ZFPM2: variants seen among roughly 807,000 people sequenced by gnomAD.
The protein encoded by ZFPM2 is zinc finger protein, FOG family member 2.
In ZFPM2, 20 loss-of-function variants were observed where a neutral mutation model predicts 98.6. The ratio of observed to expected loss-of-function variants is 0.20; its 90% CI spans 0.14 to 0.29. The LOEUF is 0.29. Ranked by LOEUF, ZFPM2 falls within the 10% of genes least tolerant of loss-of-function variation. The probability of loss-of-function intolerance (pLI) is 1.00; values close to 1 mark genes in which losing one functional copy is unlikely to be tolerated. For synonymous variants in ZFPM2, 518 were observed against 502.7 expected (o/e 1.03, Z -0.41); for missense variants, 1,310 against 1,388.6 (o/e 0.94, Z 0.90).
chr8:105,360,679 T>G, intron 1 of ZFPM2, among the ~76,000 whole-genome samples: 1 of 144,662 alleles, frequency 6.9e-6, no homozygotes, highest in Non-Finnish European at 1.5e-5. Context: ...TGTGTCCATG[T>G]GTTCCCATTG....
intron 1 of ZFPM2, among the ~76,000 whole-genome samples, chr8:105,348,150 T>C (rs539784038): frequency 6.6e-6 from 1 of 152,344 alleles, no homozygotes; most frequent in South Asian, 2.1e-4. Flanking sequence ...GGTTGCATCA[T>C]AGTCTATGTG....
rs532352196 is a variant in ZFPM2, at chr8:105,338,332, C to T, written c.40+19351C>T. Among the ~76,000 whole-genome samples, 35 of 151,742 alleles carry T rather than the reference C, an allele frequency of 2.3e-4. 1 individual carries two copies. In the South Asian group the frequency reaches 7.1e-3, roughly 31 times the overall value. ...ATTTGACTCTTTGATGCATCTCATA[C>T]ATAGGTCAGGCACCTGAAAGACAGC... is the stretch of plus-strand genomic sequence containing the variant. On this transcript the variant is annotated intron_variant, in intron 1 of 7. Coordinates refer to ENST00000407775, the MANE Select transcript of ZFPM2 (RefSeq NM_012082.4).
intron 4 of ZFPM2, among the ~76,000 whole-genome samples, chr8:105,581,069 T>C (rs908210389): frequency 1.2e-4 from 18 of 152,108 alleles, no homozygotes; most frequent in African/African-American, 4.3e-4. Flanking sequence ...TGGAAATACT[T>C]ATTTTATCAA....
chr8:105,773,243 G>A (rs1340138661), intron 5 of ZFPM2, among the ~76,000 whole-genome samples: 2 of 152,150 alleles, frequency 1.3e-5, no homozygotes, highest in Admixed American at 1.3e-4. Context: ...TGAAGAGAAG[G>A]AAAGGGCATC....
intron 3 of ZFPM2, among the ~76,000 whole-genome samples, chr8:105,556,352 T>C (rs1047938936): frequency 1.3e-5 from 2 of 152,150 alleles, no homozygotes; most frequent in African/African-American, 4.8e-5. Context: ...AATGGAAGTA[T>C]ATGGACATGC....
chr8:105,722,756 G>A (rs1278455752), intron 5 of ZFPM2, among the ~76,000 whole-genome samples: 3 of 151,770 alleles, frequency 2.0e-5, no homozygotes, highest in Admixed American at 2.0e-4. Flanking sequence ...GGTGGCAGAG[G>A]CAGAAGAGGT....
Position 105,699,459 on chromosome 8 carries a change from G to A in ZFPM2, c.532+65102G>A, listed in dbSNP as rs534756474. Among the ~76,000 whole-genome samples the A allele has an allele frequency of 4.6e-5, 7 of 152,228 alleles. No homozygotes were observed. In the South Asian group the frequency reaches 1.5e-3, roughly 32 times the overall value. On this transcript the variant is annotated intron_variant, in intron 5 of 7. Transcript: ENST00000407775. ...TACAAACTTAAAGGTATAAGATGAA[G>A]CCACACTGGTATTTTTCTAAACATA... is the stretch of plus-strand genomic sequence containing the variant.
chr8:105,449,399 G>A (rs1044635225), intron 3 of ZFPM2, among the ~76,000 whole-genome samples: 2 of 151,976 alleles, frequency 1.3e-5, no homozygotes, highest in Admixed American at 6.6e-5. Context: ...AACTTTTCAG[G>A]ATAAGTATAT....
intron 5 of ZFPM2, among the ~76,000 whole-genome samples, chr8:105,713,942 T>C (rs1214584803): frequency 2.0e-5 from 3 of 152,120 alleles, no homozygotes; most frequent in African/African-American, 4.8e-5. Context: ...CTACTTGGGC[T>C]CCTTTTTGTT....
intron 5 of ZFPM2, among the ~76,000 whole-genome samples, chr8:105,645,655 C>T (rs530684389): frequency 2.0e-5 from 3 of 152,246 alleles, no homozygotes; most frequent in African/African-American, 7.2e-5. Context: ...GCATAGCCTA[C>T]ACCCAGAAGC....
At chr8:105,340,865 A>G (rs1328469044) in intron 1 of ZFPM2, among the ~76,000 whole-genome samples, 3 of 152,004 alleles carry the variant, frequency 2.0e-5, no homozygotes, top group African/African-American at 7.2e-5. Context: ...AGAAAATAAA[A>G]TAGGGTAACG....
intron 3 of ZFPM2, among the ~76,000 whole-genome samples, chr8:105,472,071 A>G (rs1488003562): frequency 2.0e-5 from 3 of 152,296 alleles, no homozygotes; most frequent in Middle Eastern, 3.4e-3. Flanking sequence ...CTGTATAGAC[A>G]CCTGCAGAAT....
rs553959981 is a variant in ZFPM2, at chr8:105,413,666, C to T, written c.41-5478C>T. 3.3e-5 allele frequency among the ~76,000 whole-genome samples: 5 copies of T among 151,542 alleles called. 1 individual carries two copies. Among genetic ancestry groups the T allele is most frequent in the African/African-American group, 1.2e-4 (5 of 41,370 alleles). On this transcript the variant is annotated intron_variant, in intron 1 of 7. Transcript: ENST00000407775. ...GAGTTGGACCTTTTGAAAAAGAGTT[C>T]AAAAGAGCATAAAACAGGAGCTGGC...
chr8:105,736,827 A>G (rs1369652851), intron 5 of ZFPM2, among the ~76,000 whole-genome samples: 1 of 152,090 alleles, frequency 6.6e-6, no homozygotes, highest in African/African-American at 2.4e-5. Flanking sequence ...TAATGCAAGT[A>G]CTTGCAGACA....
chr8:105,737,323 A>G (rs1158941003), intron 5 of ZFPM2: 1 of 153,054 alleles, frequency 6.5e-6, no homozygotes, highest in Non-Finnish European at 1.5e-5. Flanking sequence ...GTCATCTGTG[A>G]TAGCGTGAGG....
intron 4 of ZFPM2, among the ~76,000 whole-genome samples, chr8:105,591,915 AC>A (rs1241040207): frequency 6.6e-6 from 1 of 152,184 alleles, no homozygotes; most frequent in Non-Finnish European, 1.5e-5. Flanking sequence ...AGAAAAATTA[AC>A]ACCAGATAAA....
At chr8:105,722,340 T>C (rs1261571374) in intron 5 of ZFPM2, among the ~76,000 whole-genome samples, 1 of 151,884 alleles carries the variant, frequency 6.6e-6, no homozygotes, top group African/African-American at 2.4e-5. Context: ...TATTGTCAAT[T>C]TATTTTTCGA....
chr8:105,404,223 A>G (rs1811396277), intron 1 of ZFPM2, among the ~76,000 whole-genome samples: 1 of 152,102 alleles, frequency 6.6e-6, no homozygotes, highest in Non-Finnish European at 1.5e-5. Context: ...AGCCAGTTCC[A>G]GGAGGATTTT....
rs139208464 is a variant in ZFPM2 at position 105,503,480 on chromosome 8, A to G, written c.302-57883A>G. Among the ~76,000 whole-genome samples, 561 of 152,342 alleles carry G rather than the reference A, an allele frequency of 3.7e-3. 23 individuals are homozygous for G. The East Asian group carries it at 0.083, about 22-fold the overall frequency. On this transcript the variant is annotated intron_variant, in intron 3 of 7. Coordinates refer to ENST00000407775, the MANE Select transcript of ZFPM2 (RefSeq NM_012082.4). ...TTTTGACATTTTGGGAAAATAGTCTATGGAAAAAAACAAGATAAAGACCAT... is the reference window on the plus strand; with the variant it reads ...TTTTGACATTTTGGGAAAATAGTCTGTGGAAAAAAACAAGATAAAGACCAT...
Sources: allele counts gnomAD v4.1 joint callset (sites outside exome capture counted in the v4.1 genomes callset), GRCh38; gene constraint gnomAD v4.1.1; transcripts MANE v1.5; gene names NCBI Gene and HGNC (gene_info 2026-07-23, HGNC 2026-07-21).